The following IFI27 variants were observed in gnomAD, a reference collection of about 807,000 sequenced individuals.
IFI27 encodes the protein interferon alpha inducible protein 27, also known as interferon alpha-inducible protein 27, mitochondrial.
Under a neutral mutation model 8.9 loss-of-function variants are expected in IFI27, and 3 were observed. The ratio of observed to expected loss-of-function variants is 0.34; its 90% CI spans 0.15 to 0.87. IFI27 has a LOEUF of 0.87. Ranked by LOEUF, IFI27 falls within the 40% of genes least tolerant of loss-of-function variation. The pLI, the probability that IFI27 is intolerant of heterozygous loss-of-function variation, is 0.51. For missense variants in IFI27, 152 were observed against 157.7 expected (o/e 0.96, Z 0.19); for synonymous variants, 66 against 67.3 (o/e 0.98, Z 0.09).
In IFI27 at chr14:94,116,143, C is replaced by T. The variant is rs1371393308; in HGVS notation, c.283+201C>T. 8.0e-6 allele frequency: 6 copies of T among 753,710 alleles called. No individual in the cohort carries two copies. In the East Asian group the frequency reaches 1.3e-4, roughly 17 times the overall value. The allele number at this position is 753,710 out of a possible 1,614,324, so 46.7% of individuals were successfully genotyped here. ...CAGGAACAGTGCACTCAGGAAGACT[C>T]AGCCCGAAGCAGATTTGCTGGGTTA... On this transcript the variant is annotated intron_variant, in intron 4 of 4. Coordinates refer to ENST00000621160, the Ensembl canonical transcript of IFI27. This position sits in a 1 kb window ranked among gnomAD's most constrained non-coding sequence, Gnocchi z 4.3.
At chr14:94,115,851 C>T (rs1305735179) in exon 4 of IFI27, 1 of 1,603,368 alleles carries the variant, frequency 6.2e-7, no homozygotes, top group Admixed American at 1.7e-5. Context: ...TCGCCTCGTC[C>T]TCCATAGCAG....
chr14:94,112,360 G>A (rs572134981), intron 2 of IFI27, among the ~76,000 whole-genome samples: 64 of 152,228 alleles, frequency 4.2e-4, no homozygotes, highest in Admixed American at 9.2e-4. Flanking sequence ...TGTTTTGTTT[G>A]CGGGCATTTT....
intron 2 of IFI27, chr14:94,113,319 C>G (rs750098272): frequency 2.0e-5 from 3 of 152,164 alleles, no homozygotes; most frequent in African/African-American, 7.2e-5. Flanking sequence ...CTGGCCACCA[C>G]GGTAAAACCC....
At chr14:94,108,148 T>G (rs574296723), upstream of IFI27, among the ~76,000 whole-genome samples, 124 of 152,322 alleles carry the variant, frequency 8.1e-4, no homozygotes, top group African/African-American at 2.9e-3. Flanking sequence ...TTCATTCATG[T>G]CCCTCCAAAG....
At chr14:94,109,251 G>A (rs900972745), upstream of IFI27, among the ~76,000 whole-genome samples, 21 of 148,730 alleles carry the variant, frequency 1.4e-4, no homozygotes, top group Non-Finnish European at 6.0e-5. Flanking sequence ...GCAGTGAGCC[G>A]AGATTGCGCC....
At chr14:94,107,681 G>T (rs1254251103), upstream of IFI27, among the ~76,000 whole-genome samples, 1 of 151,968 alleles carries the variant, frequency 6.6e-6, no homozygotes, top group African/African-American at 2.4e-5. Flanking sequence ...ATACTATTCT[G>T]ATGCTGGCTT....
chr14:94,111,743 G>A lies in IFI27; in HGVS notation c.61G>A (p.Ala21Thr). 1 of 1,614,198 alleles carries A rather than the reference G, an allele frequency of 6.2e-7. No homozygotes were observed. The highest frequency in any genetic ancestry group is 1.7e-4 in the Middle Eastern group (1 of 6,060). The change falls in exon 2 of 5, where the codon GCC becomes ACC. Residue 21 changes from alanine to threonine, a missense_variant. Physicochemically the swap from Ala to Thr is moderately conservative, Grantham distance 58. Transcript: ENST00000621160. This position sits in a 1 kb window ranked among gnomAD's most constrained non-coding sequence, Gnocchi z 4.3. Reference sequence around the variant, plus strand: ...CAGTGTGGCCAAAGTGGTCAGGGTGGCCTCTGGCTCTGCCGTAGTTTTGCC... The same window carrying A: ...CAGTGTGGCCAAAGTGGTCAGGGTGACCTCTGGCTCTGCCGTAGTTTTGCC...
chr14:94,115,937 C>G lies in IFI27; in HGVS notation c.278C>G (p.Ser93Ter). The G allele has an allele frequency of 1.9e-6, 3 of 1,577,420 alleles. No homozygotes were observed. The highest frequency in any genetic ancestry group is 1.7e-6 in the Non-Finnish European group (2 of 1,161,180). ...GGCAGCCTTGTGGCTACTCTGCAGT[C>G]ACTGGGTAAGTATCCTGGCGGGGCT... The change falls in exon 4 of 5, where the codon TCA (serine) becomes TGA (stop). Residue 93 changes from serine (S) to a stop codon, truncating the protein, a stop_gained. Coordinates refer to ENST00000621160, the Ensembl canonical transcript of IFI27. LOFTEE classifies it low-confidence loss of function (END_TRUNC).
upstream of IFI27, among the ~76,000 whole-genome samples, chr14:94,108,211 G>A (rs1207198969): frequency 1.3e-5 from 2 of 152,100 alleles, no homozygotes; most frequent in African/African-American, 4.8e-5. Context: ...GTATATATGT[G>A]CCACATTTTC....
intron 3 of IFI27, 88 bp downstream of exon 3, chr14:94,114,968 T>G (rs1193989987): frequency 1.7e-5 from 21 of 1,228,616 alleles, no homozygotes; most frequent in East Asian, 9.3e-5. Flanking sequence ...TGCCAATGTT[T>G]CCCTCACATG....
Position 94,116,634 on chromosome 14 carries a change from A to G in IFI27, c.*107A>G. 2 of 751,876 alleles carry G rather than the reference A, an allele frequency of 2.7e-6. No homozygotes were observed. The highest frequency in any genetic ancestry group is 4.6e-6 in the Non-Finnish European group (2 of 431,642). The allele number at this position is 751,876 out of a possible 1,614,324, so 46.6% of individuals were successfully genotyped here. A position where few individuals can be genotyped will look rare whatever the true frequency, so the allele number is the denominator to read the frequency against. On this transcript the variant is annotated 3_prime_UTR_variant, in exon 5 of 5. Transcript: ENST00000621160. This position sits in a 1 kb window ranked among gnomAD's most constrained non-coding sequence, Gnocchi z 4.3. ...CTATCCCAAATATACCTGGGGTGAA[A>G]TATACCAAATTCTGCATCTCCAGAG... is the stretch of plus-strand genomic sequence containing the variant.
rs1338876262 is a variant in IFI27, at chr14:94,114,846, T to G, written c.92-5T>G. 6.2e-7 allele frequency: 1 copy of G among 1,613,890 alleles called. No homozygotes were observed. The highest frequency in any genetic ancestry group is 1.6e-4 in the Middle Eastern group (1 of 6,062). On this transcript the variant is annotated splice_polypyrimidine_tract_variant and splice_region_variant and intron_variant, in intron 2 of 4. Coordinates refer to ENST00000621160, the Ensembl canonical transcript of IFI27. The stretch of plus-strand genomic sequence containing the variant: ...CTACTCACAGAATGTTCTTTTGGTT[T>G]CCAGCCAGGATTGCTACAGTTGTGA...
chr14:94,116,656 A>G lies in IFI27; in HGVS notation c.*129A>G. ...GAAATATACCAAATTCTGCATCTCC[A>G]GAGGAAAATAAGAAATAAAGATGAA... On this transcript the variant is annotated 3_prime_UTR_variant, in exon 5 of 5. Coordinates refer to ENST00000621160, the Ensembl canonical transcript of IFI27. The surrounding 1 kb of genome is among the most constrained non-coding windows in gnomAD (Gnocchi z 4.3). 1.5e-6 allele frequency: 1 copy of G among 672,136 alleles called. No homozygotes were observed. The highest frequency in any genetic ancestry group is 2.7e-6 in the Non-Finnish European group (1 of 375,798). 41.6% of individuals were successfully genotyped at this position (672,136 alleles called of 1,614,324 possible).
At chr14:94,115,088 G>A (rs1017836207) in intron 3 of IFI27, among the ~76,000 whole-genome samples, 7 of 152,236 alleles carry the variant, frequency 4.6e-5, no homozygotes, top group African/African-American at 1.7e-4. Flanking sequence ...GCTGGAGTGC[G>A]TGTGGGCAGG....
Position 94,116,139 on chromosome 14 carries a change from G to C in IFI27, c.283+197G>C. On this transcript the variant is annotated intron_variant, in intron 4 of 4. Coordinates refer to ENST00000621160, the Ensembl canonical transcript of IFI27. The surrounding 1 kb of genome is among the most constrained non-coding windows in gnomAD (Gnocchi z 4.3). ...AAGCCAGGAACAGTGCACTCAGGAA[G>C]ACTCAGCCCGAAGCAGATTTGCTGG... 1 of 762,078 alleles carries C rather than the reference G, an allele frequency of 1.3e-6. No homozygotes were observed. The highest frequency in any genetic ancestry group is 2.3e-6 in the Non-Finnish European group (1 of 440,504). The allele number at this position is 762,078 out of a possible 1,614,324, so 47.2% of individuals were successfully genotyped here.
chr14:94,112,030 G>C (rs527985978), intron 2 of IFI27: 25 of 577,572 alleles, frequency 4.3e-5, no homozygotes, highest in African/African-American at 3.7e-4. Context: ...CTCCTGCCTA[G>C]CCGGAAAGGG....
intron 2 of IFI27, chr14:94,113,256 C>G (rs1359905784): frequency 6.6e-6 from 1 of 152,256 alleles, no homozygotes; most frequent in Non-Finnish European, 1.5e-5. Context: ...AATCCCGGCA[C>G]TTTGGGAGGC....
chr14:94,107,199 A>G (rs1887027651), upstream of IFI27, among the ~76,000 whole-genome samples: 1 of 152,064 alleles, frequency 6.6e-6, no homozygotes, highest in Non-Finnish European at 1.5e-5. Context: ...CCTCCCAAGT[A>G]GCTGGGATTA....
At position 94,111,941 on chromosome 14, in the gene IFI27, G is replaced by A; in HGVS notation, c.91+168G>A. On this transcript the variant is annotated intron_variant, in intron 2 of 4. Coordinates refer to ENST00000621160, the Ensembl canonical transcript of IFI27. The surrounding 1 kb of genome is among the most constrained non-coding windows in gnomAD (Gnocchi z 4.3). ...CACCCTAACTTTCCATCTGGGAGGG[G>A]GCCCGGGGCAGGCAGACTCTGGCCA... 1 of 659,972 alleles carries A rather than the reference G, an allele frequency of 1.5e-6. No individual in the cohort carries two copies. Among genetic ancestry groups the A allele is most frequent in the South Asian group, 1.7e-5 (1 of 57,328 alleles). The allele number at this position is 659,972 out of a possible 1,614,324, so 40.9% of individuals were successfully genotyped here.
Sources: gnomAD v4.1 joint callset for allele counts (sites outside exome capture counted in the v4.1 genomes callset) on GRCh38, gnomAD v4.1.1 for gene constraint, Gnocchi (gnomAD v3.1) non-coding constraint, MANE v1.5 for transcripts, NCBI Gene and HGNC (gene_info 2026-07-23, HGNC 2026-07-21) for gene names.